PCDHGA3: variants seen among roughly 807,000 people sequenced by gnomAD.
The protein encoded by PCDHGA3 is protocadherin gamma-A3.
Under a neutral mutation model 58.5 loss-of-function variants are expected in PCDHGA3, and 40 were observed. The ratio of observed to expected loss-of-function variants is 0.68; its 90% CI spans 0.53 to 0.89. The LOEUF (loss-of-function observed/expected upper bound fraction) is 0.89. Among genes scored for constraint, PCDHGA3 ranks in the 40% least tolerant of loss-of-function variants. The probability of loss-of-function intolerance (pLI) is 0.00; values close to 1 mark genes in which losing one functional copy is unlikely to be tolerated. For missense variants in PCDHGA3, 1,223 were observed against 1,195.9 expected, an observed-to-expected ratio of 1.02 and a Z score of -0.33; for synonymous variants, 530 against 525.7, an observed-to-expected ratio of 1.01 and a Z score of -0.11.
intron 1 of PCDHGA3, chr5:141,427,456 G>C (rs1172525843): frequency 2.0e-6 from 1 of 492,524 alleles, no homozygotes; most frequent in African/African-American, 1.9e-5. Flanking sequence ...GTTCCTTTTA[G>C]AATCGAATCT....
chr5:141,400,333 C>T (rs538201613), intron 1 of PCDHGA3: 2 of 1,614,032 alleles, frequency 1.2e-6, no homozygotes, highest in East Asian at 2.2e-5. Context: ...ACCTGTGGTT[C>T]CCCCCAACTA....
intron 1 of PCDHGA3, among the ~76,000 whole-genome samples, chr5:141,444,062 A>G (rs1335403906): frequency 6.7e-6 from 1 of 149,402 alleles, no homozygotes; most frequent in African/African-American, 2.5e-5. Context: ...TTCAATCTAG[A>G]TTCTGATGCT....
rs200348921 is a variant in PCDHGA3 at position 141,374,104 on chromosome 5, T to G, written c.2424+27647T>G. 296 of 1,570,490 alleles carry G rather than the reference T, an allele frequency of 1.9e-4. No individual in the cohort carries two copies. Among genetic ancestry groups the G allele is most frequent in the Non-Finnish European group, 2.4e-4 (283 of 1,156,394 alleles). On this transcript the variant is annotated intron_variant, in intron 1 of 3. Transcript: ENST00000253812. ...CAGTAATGGCGCCTCCGCAGAGGCA[T>G]CCGCAGCGCAGCGAGCAGGTCCTGC...
chr5:141,415,492 A>G lies in PCDHGA3; in HGVS notation c.2424+69035A>G, dbSNP rs373866182. 4 of 1,614,154 alleles carry G rather than the reference A, an allele frequency of 2.5e-6. No individual in the cohort carries two copies. The African/African-American group carries it at 4.0e-5, about 16-fold the overall frequency. On this transcript the variant is annotated intron_variant, in intron 1 of 3. Transcript: ENST00000253812. Reference sequence around the variant, plus strand: ...CGCGGACTCGCGAAAGAGTCACCTGATCTTCCCCCAGCCCAATTATGCGGA... The same window carrying G: ...CGCGGACTCGCGAAAGAGTCACCTGGTCTTCCCCCAGCCCAATTATGCGGA...
rs144113016 is a variant in PCDHGA3 at position 141,428,135 on chromosome 5, G to T, written c.2425-66672G>T. On this transcript the variant is annotated intron_variant, in intron 1 of 3. Coordinates refer to ENST00000253812, the MANE Select transcript of PCDHGA3 (RefSeq NM_018916.4). Reference sequence around the variant, plus strand: ...CCATCGAGCCCGGGCTTTTCAGCCTGGGGCTGCACACGGGAACCTGCTGGT... The same window carrying T: ...CCATCGAGCCCGGGCTTTTCAGCCTTGGGCTGCACACGGGAACCTGCTGGT... 347 of 1,601,046 alleles carry T rather than the reference G, an allele frequency of 2.2e-4. No homozygotes were observed. The African/African-American group carries it at 3.9e-3, about 18-fold the overall frequency.
chr5:141,408,877 C>T (rs1476847671), intron 1 of PCDHGA3: 4 of 1,613,308 alleles, frequency 2.5e-6, no homozygotes, highest in Admixed American at 3.3e-5. Flanking sequence ...GAAGTGCCAC[C>T]GCTCACATAG....
At position 141,481,036 on chromosome 5, in the gene PCDHGA3, C is replaced by T. The variant is rs1040377549; in HGVS notation, c.2425-13771C>T. Among the ~76,000 whole-genome samples, 19 of 151,964 alleles carry T rather than the reference C, an allele frequency of 1.3e-4. 1 individual carries two copies. The highest frequency in any genetic ancestry group is 3.4e-4 in the African/African-American group (14 of 41,456). ...TCACACCACTGCACTCCAGCCTGGG[C>T]GACAGAGCGAGACTCCACCTCAAAA... is the stretch of plus-strand genomic sequence containing the variant. On this transcript the variant is annotated intron_variant, in intron 1 of 3. Transcript: ENST00000253812.
At chr5:141,427,951 A>G in intron 1 of PCDHGA3, 1 of 1,586,612 alleles carries the variant, frequency 6.3e-7, no homozygotes, top group Non-Finnish European at 8.6e-7. Flanking sequence ...CTCAATGACA[A>G]TGTGCCGCGG....
At chr5:141,348,085 G>C (rs1006588692) in intron 1 of PCDHGA3, among the ~76,000 whole-genome samples, 1 of 152,208 alleles carries the variant, frequency 6.6e-6, no homozygotes, top group African/African-American at 2.4e-5. Context: ...TCTTGAGCCA[G>C]AAATTGTTGG....
At chr5:141,483,753 G>A (rs1316976446) in intron 1 of PCDHGA3, among the ~76,000 whole-genome samples, 1 of 152,082 alleles carries the variant, frequency 6.6e-6, no homozygotes, top group Non-Finnish European at 1.5e-5. Flanking sequence ...CCTGAGGATC[G>A]AGGCTTGGAA....
At chr5:141,417,693 A>T in intron 1 of PCDHGA3, 1 of 1,091,256 alleles carries the variant, frequency 9.2e-7, no homozygotes, top group Non-Finnish European at 1.3e-6. Context: ...AAAGAAAACC[A>T]GCTCCCACAC....
rs766344442 is a variant in PCDHGA3 at position 141,344,666 on chromosome 5, C to T, written c.633C>T (p.Val211=). ...DREKKEIHQL[V]LVASDGGDPV... ...AGAAAAAAGAAATTCACCAGCTTGT[C>T]CTGGTTGCCTCTGATGGTGGCGACC... Residue 211 remains valine, a synonymous_variant, in exon 1 of 4, where the codon GTC becomes GTT. Transcript: ENST00000253812. 1.2e-5 allele frequency: 19 copies of T among 1,613,968 alleles called. No homozygotes were observed. Among genetic ancestry groups the T allele is most frequent in the Non-Finnish European group, 1.5e-5 (18 of 1,179,896 alleles).
At chr5:141,371,264 A>G (rs753938620) in intron 1 of PCDHGA3, 27 of 1,614,064 alleles carry the variant, frequency 1.7e-5, no homozygotes, top group Non-Finnish European at 2.0e-5. Flanking sequence ...AAGTGAGACA[A>G]CTGTTCAAGC....
At chr5:141,507,349 A>G (rs537480798) in intron 3 of PCDHGA3, 1 of 152,236 alleles carries the variant, frequency 6.6e-6, no homozygotes, top group African/African-American at 2.4e-5. Flanking sequence ...CTGAAATTCA[A>G]ATTTAACTGG....
intron 1 of PCDHGA3, chr5:141,404,856 G>C (rs1405688914): frequency 6.2e-7 from 1 of 1,613,890 alleles, no homozygotes; most frequent in Admixed American, 1.7e-5. Flanking sequence ...CTGCTAGATA[G>C]AGATGCGCTC....
At chr5:141,360,315 C>T (rs747029158) in intron 1 of PCDHGA3, 2 of 1,613,966 alleles carry the variant, frequency 1.2e-6, no homozygotes, top group Admixed American at 1.7e-5. Flanking sequence ...GCGTCCGGGA[C>T]TTGCCAGCCC....
chr5:141,490,938 C>A lies in PCDHGA3; in HGVS notation c.2425-3869C>A. 1.2e-6 allele frequency: 2 copies of A among 1,613,672 alleles called. No individual in the cohort carries two copies. Among genetic ancestry groups the A allele is most frequent in the Non-Finnish European group, 1.7e-6 (2 of 1,179,760 alleles). On this transcript the variant is annotated intron_variant, in intron 1 of 3. Coordinates refer to ENST00000253812, the MANE Select transcript of PCDHGA3 (RefSeq NM_018916.4). The surrounding 1 kb of genome is among the most constrained non-coding windows in gnomAD (Gnocchi z 5.4). ...ATGATAATGCCCCAGCTGTGCTGCA[C>A]CCACGGCCAGACTGGGAACACTCAG... is the stretch of plus-strand genomic sequence containing the variant.
Position 141,432,623 on chromosome 5 carries a change from C to T in PCDHGA3, c.2425-62184C>T, listed in dbSNP as rs1047752183. Reference sequence around the variant, plus strand: ...GCCGGGACTCTTCTCGGTGGGTCTGCACACGGGCGAGGTGCGCACGGCGCG... The same window carrying T: ...GCCGGGACTCTTCTCGGTGGGTCTGTACACGGGCGAGGTGCGCACGGCGCG... On this transcript the variant is annotated intron_variant, in intron 1 of 3. Coordinates refer to ENST00000253812, the MANE Select transcript of PCDHGA3 (RefSeq NM_018916.4). The surrounding 1 kb of genome is among the most constrained non-coding windows in gnomAD (Gnocchi z 6.0). The T allele has an allele frequency of 1.2e-6, 2 of 1,613,196 alleles. No homozygotes were observed. The highest frequency in any genetic ancestry group is 2.2e-5 in the East Asian group (1 of 44,792).
intron 2 of PCDHGA3, among the ~76,000 whole-genome samples, chr5:141,499,314 A>C (rs2099791047): frequency 6.6e-6 from 1 of 152,238 alleles, no homozygotes; most frequent in Non-Finnish European, 1.5e-5. Context: ...TCTGAGAGAC[A>C]GTATCCCTGC....
Sources: allele counts gnomAD v4.1 joint callset (sites outside exome capture counted in the v4.1 genomes callset), GRCh38; gene constraint gnomAD v4.1.1; non-coding constraint Gnocchi (gnomAD v3.1); transcripts MANE v1.5; gene names NCBI Gene and HGNC (gene_info 2026-07-23, HGNC 2026-07-21).